PHLDB2: variants seen among roughly 807,000 people sequenced by gnomAD.
PHLDB2 encodes the protein pleckstrin homology like domain family B member 2, also known as pleckstrin homology-like domain family B member 2.
In PHLDB2, 71 loss-of-function variants were observed where a neutral mutation model predicts 123.6. That is an observed-to-expected ratio of 0.57 (90% CI 0.47 to 0.70). The LOEUF (loss-of-function observed/expected upper bound fraction) is 0.70. Among genes scored for constraint, PHLDB2 ranks in the 30% least tolerant of loss-of-function variants. The pLI is 0.00. For synonymous variants in PHLDB2, 547 were observed against 541.6 expected (o/e 1.01, Z -0.14); for missense variants, 1,446 against 1,519.5 (o/e 0.95, Z 0.80).
intron 1 of PHLDB2, among the ~76,000 whole-genome samples, chr3:111,831,254 T>C (rs1439836466): frequency 6.6e-6 from 1 of 152,172 alleles, no homozygotes; most frequent in African/African-American, 2.4e-5. Flanking sequence ...AATGTATTAT[T>C]TATACTTATA....
rs2072444111 is a variant in PHLDB2, at chr3:111,974,722, AAAG to A, written c.*163_*165del. Reference sequence around the variant, plus strand: ...TCAAGACAAGTTATTTGTAAAAAATAAAGAAGGGGTTTTAATACAAACCTTCAT... The same window carrying A: ...TCAAGACAAGTTATTTGTAAAAAATAAAGGGGTTTTAATACAAACCTTCAT... On this transcript the variant is annotated 3_prime_UTR_variant, in exon 18 of 18. Transcript: ENST00000431670. The A allele has an allele frequency of 8.9e-6, 6 of 675,816 alleles. No individual in the cohort carries two copies. Among genetic ancestry groups the A allele is most frequent in the Non-Finnish European group, 1.3e-5 (6 of 463,418 alleles). The allele number at this position is 675,816 out of a possible 1,614,324, so 41.9% of individuals were successfully genotyped here.
chr3:111,859,999 C>T (rs2108645239), intron 1 of PHLDB2: 1 of 674,336 alleles, frequency 1.5e-6, no homozygotes, highest in Non-Finnish European at 1.8e-6. Context: ...TGGCGAACCC[C>T]GTTGTGCATG....
chr3:111,934,271 C>T (rs2069326326), intron 6 of PHLDB2, among the ~76,000 whole-genome samples: 1 of 152,102 alleles, frequency 6.6e-6, no homozygotes, highest in Non-Finnish European at 1.5e-5. Context: ...TCACCAATGC[C>T]TTGGCTTAAT....
intron 1 of PHLDB2, among the ~76,000 whole-genome samples, chr3:111,827,917 T>C (rs1222453140): frequency 1.3e-5 from 2 of 152,176 alleles, no homozygotes; most frequent in Non-Finnish European, 2.9e-5. Context: ...CATGGAAGTC[T>C]GGCAGAAGGA....
exon 1 of PHLDB2, chr3:111,732,529 G>A (rs1941533399): frequency 8.3e-7 from 1 of 1,204,980 alleles, no homozygotes; most frequent in African/African-American, 1.5e-5. Flanking sequence ...GAGAGAGCAG[G>A]AAAGGAAATG....
intron 8 of PHLDB2, among the ~76,000 whole-genome samples, chr3:111,943,899 T>A (rs1233698246): frequency 6.6e-6 from 1 of 152,210 alleles, no homozygotes. Flanking sequence ...TGAAAACATG[T>A]CTTCATATAA....
intron 1 of PHLDB2, among the ~76,000 whole-genome samples, chr3:111,761,568 A>T (rs2059994570): frequency 6.6e-6 from 1 of 152,228 alleles, no homozygotes; most frequent in South Asian, 2.1e-4. Flanking sequence ...TTAGATCTCT[A>T]TTCCTGATTT....
intron 2 of PHLDB2, among the ~76,000 whole-genome samples, chr3:111,886,082 C>T (rs1417939780): frequency 2.0e-5 from 3 of 152,140 alleles, no homozygotes; most frequent in Non-Finnish European, 4.4e-5. Flanking sequence ...AGAGTCTCAC[C>T]AATGAATGAG....
chr3:111,898,488 T>A (rs2067005704), intron 2 of PHLDB2, among the ~76,000 whole-genome samples: 1 of 152,078 alleles, frequency 6.6e-6, no homozygotes, highest in African/African-American at 2.4e-5. Flanking sequence ...CAGCCAGCAA[T>A]TTTTTAAAAT....
At chr3:111,906,691 C>T (rs767952977) in intron 2 of PHLDB2, among the ~76,000 whole-genome samples, 1 of 152,164 alleles carries the variant, frequency 6.6e-6, no homozygotes, top group Non-Finnish European at 1.5e-5. Context: ...ATCTATTATT[C>T]TTTGGGAGAA....
intron 5 of PHLDB2, among the ~76,000 whole-genome samples, chr3:111,931,681 C>T (rs2069157621): frequency 6.6e-6 from 1 of 152,226 alleles, no homozygotes; most frequent in African/African-American, 2.4e-5. Flanking sequence ...TGAATAATCT[C>T]TCTGGATTAA....
In PHLDB2 at chr3:111,884,782, T is replaced by C. The variant is rs773701138; in HGVS notation, c.705T>C (p.Asn235=). ...AGGAGCTTGCATCTGAAAACATCAA[T>C]TTGAGAACTAGGAAGTACTCCAGCA... is the stretch of plus-strand genomic sequence containing the variant. The part of the protein sequence containing the change: ...RHKELASENI[N]LRTRKYSSSS... The change falls in exon 2 of 18, where the codon AAT becomes AAC. Residue 235 remains asparagine (N), a synonymous_variant. Transcript: ENST00000431670. 6.2e-7 allele frequency: 1 copy of C among 1,613,976 alleles called. No homozygotes were observed. The highest frequency in any genetic ancestry group is 2.2e-5 in the East Asian group (1 of 44,860).
chr3:111,823,062 G>T (rs2062483442), intron 1 of PHLDB2, among the ~76,000 whole-genome samples: 1 of 152,230 alleles, frequency 6.6e-6, no homozygotes, highest in Admixed American at 6.5e-5. Context: ...AGTGCCATTA[G>T]CAGCACATAG....
intron 12 of PHLDB2, among the ~76,000 whole-genome samples, chr3:111,954,230 G>A (rs759737810): frequency 6.6e-5 from 10 of 152,010 alleles, no homozygotes; most frequent in South Asian, 2.1e-4. Context: ...AAACATTCCC[G>A]TTGTACTTTA....
At chr3:111,945,616 G>A (rs371520898) in intron 9 of PHLDB2, among the ~76,000 whole-genome samples, 109 of 152,024 alleles carry the variant, frequency 7.2e-4, no homozygotes, top group African/African-American at 2.4e-3. Context: ...TTGCTGGGTG[G>A]TGACATTGTG....
intron 1 of PHLDB2, among the ~76,000 whole-genome samples, chr3:111,756,398 C>T (rs1376788416): frequency 1.3e-5 from 2 of 152,176 alleles, no homozygotes; most frequent in Non-Finnish European, 2.9e-5. Context: ...GATCCCTTTA[C>T]CATTATGTAA....
chr3:111,790,043 G>A (rs116189016), intron 1 of PHLDB2, among the ~76,000 whole-genome samples: 3 of 152,146 alleles, frequency 2.0e-5, no homozygotes, highest in South Asian at 2.1e-4. Context: ...GAGCCTGACT[G>A]GGGGCAGGGC....
chr3:111,876,550 A>G (rs149468216), intron 1 of PHLDB2, among the ~76,000 whole-genome samples: 230 of 152,352 alleles, frequency 1.5e-3, no homozygotes, highest in Admixed American at 3.4e-3. Flanking sequence ...TAAGATGTTC[A>G]TAACGGAGAG....
intron 1 of PHLDB2, among the ~76,000 whole-genome samples, chr3:111,811,891 T>A (rs2061855540): frequency 6.6e-6 from 1 of 152,200 alleles, no homozygotes; most frequent in South Asian, 2.1e-4. Flanking sequence ...GTCTAAACTA[T>A]ATTCATTTTT....
Sources: gnomAD v4.1 joint callset for allele counts (sites outside exome capture counted in the v4.1 genomes callset) on GRCh38, gnomAD v4.1.1 for gene constraint, MANE v1.5 for transcripts, NCBI Gene and HGNC (gene_info 2026-07-23, HGNC 2026-07-21) for gene names.